Variants in CCDC13 observed in about 807,000 individuals in gnomAD.
CCDC13 encodes coiled-coil domain containing 13.
Under a neutral mutation model 87.3 loss-of-function variants are expected in CCDC13, and 70 were observed. The observed-to-expected ratio is 0.80, with a 90% CI of 0.66 to 0.98. CCDC13 has a LOEUF of 0.98. Ranked by LOEUF, CCDC13 falls within the 50% of genes least tolerant of loss-of-function variation. The probability of loss-of-function intolerance (pLI) is 0.00; values close to 1 mark genes in which losing one functional copy is unlikely to be tolerated. For synonymous variants in CCDC13, 317 were observed against 360.3 expected (o/e 0.88, Z 1.36); for missense variants, 842 against 892.0 (o/e 0.94, Z 0.71).
At chr3:42,756,638 T>C (rs1243490280) in intron 3 of CCDC13, among the ~76,000 whole-genome samples, 1 of 151,278 alleles carries the variant, frequency 6.6e-6, no homozygotes, top group African/African-American at 2.4e-5. Flanking sequence ...TTCAGTGCAG[T>C]GGGGGTGATC....
intron 13 of CCDC13, among the ~76,000 whole-genome samples, chr3:42,715,142 CAAAA>C (rs35875657): frequency 2.9e-5 from 4 of 139,768 alleles, no homozygotes; most frequent in African/African-American, 5.2e-5. Context: ...ACTAAAAATA[CAAAA>C]AAAAAAAAAA....
chr3:42,743,135 CA>C lies in CCDC13; in HGVS notation c.826-79del, dbSNP rs749267531. On this transcript the variant is annotated intron_variant, in intron 7 of 15. Transcript: ENST00000310232. ...TACTCAGAAGTGTGATAGGAGACCC[CA>C]CAGACTGAAGATGGAACCACCTCTC... The C allele has an allele frequency of 2.8e-4, 438 of 1,540,990 alleles. 1 individual carries two copies. Among genetic ancestry groups the C allele is most frequent in the Non-Finnish European group, 1.4e-4 (159 of 1,128,254 alleles).
chr3:42,748,683 C>T (rs1371741416), intron 5 of CCDC13, among the ~76,000 whole-genome samples: 1 of 152,194 alleles, frequency 6.6e-6, no homozygotes, highest in African/African-American at 2.4e-5. Context: ...GAAACTCTGG[C>T]CTCATCCAGT....
intron 1 of CCDC13, chr3:42,770,679 T>G (rs1184489713): frequency 1.3e-5 from 2 of 152,472 alleles, no homozygotes; most frequent in East Asian, 1.9e-4. Flanking sequence ...TACTGCTCAC[T>G]CTTTGGGTCC....
chr3:42,750,396 C>T (rs775391283), intron 5 of CCDC13, among the ~76,000 whole-genome samples: 1 of 152,184 alleles, frequency 6.6e-6, no homozygotes, highest in Non-Finnish European at 1.5e-5. Flanking sequence ...ATCCTGCCTT[C>T]GAATGACTTC....
chr3:42,713,431 C>T, intron 13 of CCDC13, 115 bp from the exon 14 acceptor site: 1 of 977,318 alleles, frequency 1.0e-6, no homozygotes, highest in Non-Finnish European at 1.5e-6. Flanking sequence ...GTGATGGGAC[C>T]TCTTCATTTT....
intron 13 of CCDC13, among the ~76,000 whole-genome samples, chr3:42,728,022 G>A (rs377329632): frequency 4.6e-5 from 7 of 152,208 alleles, no homozygotes; most frequent in Non-Finnish European, 8.8e-5. Context: ...AGCCGACTAC[G>A]TGCTTTTTAA....
At chr3:42,716,523 A>G (rs1283671428) in intron 13 of CCDC13, among the ~76,000 whole-genome samples, 2 of 152,268 alleles carry the variant, frequency 1.3e-5, no homozygotes, top group Non-Finnish European at 2.9e-5. Flanking sequence ...CCAATTAAAA[A>G]GTAGGCAAAA....
Position 42,715,861 on chromosome 3 carries a change from G to C in CCDC13, c.1719-2545C>G, listed in dbSNP as rs976333208. ...CCATTTCCCTTCTGCCTTCCACCAC[G>C]GGATGCGGCAAGAAGGCCCTTGTCA... On this transcript the variant is annotated intron_variant, in intron 13 of 15. Transcript: ENST00000310232. Among the ~76,000 whole-genome samples, 8 of 152,186 alleles carry C rather than the reference G, an allele frequency of 5.3e-5. No homozygotes were observed. In the East Asian group the frequency reaches 1.5e-3, roughly 29 times the overall value.
intron 1 of CCDC13, among the ~76,000 whole-genome samples, chr3:42,763,560 A>G (rs1018499029): frequency 3.4e-5 from 5 of 148,944 alleles, no homozygotes; most frequent in Non-Finnish European, 7.4e-5. Flanking sequence ...GCTGGAGCGC[A>G]GTGGCACAAT....
intron 8 of CCDC13, 86 bp from the exon 9 acceptor site, chr3:42,739,896 G>A (rs1449670657): frequency 5.3e-6 from 7 of 1,317,630 alleles, no homozygotes; most frequent in Admixed American, 3.8e-5. Context: ...CAATGGCAAG[G>A]CCCGGGGCTG....
In CCDC13 at chr3:42,711,246, C is replaced by CAAAAAA. The variant is rs1174084143; in HGVS notation, c.1874-1454_1874-1449dup. ...GAGGGACAGAGTGAGACTCTGTCTCCAAAAAAAAAAAAAAAAAAAAGACAA... is the reference window on the plus strand; with the variant it reads ...GAGGGACAGAGTGAGACTCTGTCTCCAAAAAAAAAAAAAAAAAAAAAAAAAAGACAA... On this transcript the variant is annotated intron_variant, in intron 14 of 15. Transcript: ENST00000310232. Among the ~76,000 whole-genome samples, 71 of 75,286 alleles carry CAAAAAA rather than the reference C, an allele frequency of 9.4e-4. 1 individual carries two copies. The highest frequency in any genetic ancestry group is 3.2e-3 in the African/African-American group (57 of 17,894). The allele number at this position is 75,286 out of a possible 152,430, so 49.4% of individuals were successfully genotyped here. A position where few individuals can be genotyped will look rare whatever the true frequency, so the allele number is the denominator to read the frequency against.
intron 11 of CCDC13, 36 bp downstream of exon 11, chr3:42,733,434 T>A: frequency 1.2e-6 from 2 of 1,612,656 alleles, no homozygotes; most frequent in Non-Finnish European, 1.7e-6. Flanking sequence ...TAATTAATGT[T>A]CACTTTCCAA....
At chr3:42,721,783 T>C (rs1189794186) in intron 13 of CCDC13, among the ~76,000 whole-genome samples, 1 of 152,250 alleles carries the variant, frequency 6.6e-6, no homozygotes. Context: ...TGTGCTTTCC[T>C]TTAAGGAATC....
At chr3:42,765,373 T>C (rs1699907872) in intron 1 of CCDC13, among the ~76,000 whole-genome samples, 1 of 152,130 alleles carries the variant, frequency 6.6e-6, no homozygotes, top group Non-Finnish European at 1.5e-5. Flanking sequence ...AGATTTGAAA[T>C]TAATTATCTG....
intron 6 of CCDC13, chr3:42,747,038 G>T: frequency 1.5e-6 from 1 of 646,870 alleles, no homozygotes; most frequent in Non-Finnish European, 2.8e-6. Flanking sequence ...CGGGGGTGGG[G>T]GTGGCAGGCT....
chr3:42,746,144 C>T (rs1272060811), intron 6 of CCDC13, 117 bp from the exon 7 acceptor site: 3 of 759,056 alleles, frequency 4.0e-6, no homozygotes, highest in Non-Finnish European at 6.8e-6. Context: ...ATCTTCTTCC[C>T]ATCTCAGAGC....
chr3:42,744,730 G>A (rs552630196), intron 7 of CCDC13, among the ~76,000 whole-genome samples: 9 of 151,030 alleles, frequency 6.0e-5, no homozygotes, highest in African/African-American at 2.2e-4. Flanking sequence ...GCGTGAACCC[G>A]GGAGGCGGAG....
At chr3:42,709,567 C>A (rs1284855056) in intron 15 of CCDC13, 117 bp downstream of exon 15, 6 of 844,090 alleles carry the variant, frequency 7.1e-6, no homozygotes, top group Non-Finnish European at 1.2e-5. Flanking sequence ...CCAAACAGGA[C>A]AAGCCTTCTG....
Sources: gnomAD v4.1 joint callset for allele counts (sites outside exome capture counted in the v4.1 genomes callset) on GRCh38, gnomAD v4.1.1 for gene constraint, MANE v1.5 for transcripts, NCBI Gene and HGNC (gene_info 2026-07-23, HGNC 2026-07-21) for gene names.